ARHGEF10: variants seen among roughly 807,000 people sequenced by gnomAD.
The protein encoded by ARHGEF10 is Rho guanine nucleotide exchange factor 10.
Under a neutral mutation model 147.4 loss-of-function variants are expected in ARHGEF10, and 140 were observed. The observed-to-expected ratio is 0.95, with a 90% CI of 0.83 to 1.09. The LOEUF is 1.09. Ranked by LOEUF, ARHGEF10 falls within the 50% of genes least tolerant of loss-of-function variation. ARHGEF10 has a pLI of 0.00. For synonymous variants in ARHGEF10, 902 were observed against 695.8 expected (o/e 1.30, Z -4.67); for missense variants, 2,222 against 1,752.7 (o/e 1.27, Z -4.78).
intron 7 of ARHGEF10, among the ~76,000 whole-genome samples, chr8:1,872,635 A>T (rs1233563596): frequency 6.6e-6 from 1 of 152,242 alleles, no homozygotes; most frequent in African/African-American, 2.4e-5. Context: ...TTATCTCAGC[A>T]TGTGTTTAAA....
At position 1,948,438 on chromosome 8, in the gene ARHGEF10, T is replaced by C. The variant is rs1019724708; in HGVS notation, c.3397+2783T>C. The stretch of plus-strand genomic sequence containing the variant: ...GTACTAAGTTGGAAATAGCTCCAGC[T>C]TCACTGATTTCTGGGGTACACTGAC... On this transcript the variant is annotated intron_variant, in intron 27 of 28. Transcript: ENST00000349830. This position sits in a 1 kb window ranked among gnomAD's most constrained non-coding sequence, Gnocchi z 4.9. 1.3e-5 allele frequency among the ~76,000 whole-genome samples: 2 copies of C among 152,218 alleles called. No individual in the cohort carries two copies. Among genetic ancestry groups the C allele is most frequent in the Non-Finnish European group, 1.5e-5 (1 of 68,036 alleles).
At chr8:1,875,340 C>G (rs1807602566) in intron 7 of ARHGEF10, among the ~76,000 whole-genome samples, 2 of 152,072 alleles carry the variant, frequency 1.3e-5, no homozygotes, top group South Asian at 2.1e-4. Flanking sequence ...TCTGAGTCCC[C>G]TAGTACATGG....
rs182319735 is a variant in ARHGEF10, at chr8:1,949,249, C to T, written c.3398-3456C>T. On this transcript the variant is annotated intron_variant, in intron 27 of 28. Transcript: ENST00000349830. ...TCAGCACGCTGGCCCCTGGGGAATC[C>T]GTGAATCTGTAGCTAAGGCCCTGGC... Among the ~76,000 whole-genome samples the T allele has an allele frequency of 2.4e-3, 366 of 152,278 alleles. 2 individuals carry two copies. Among genetic ancestry groups the T allele is most frequent in the Admixed American group, 0.019 (298 of 15,294 alleles).
chr8:1,901,334 C>T (rs938719937), intron 15 of ARHGEF10, among the ~76,000 whole-genome samples: 2 of 152,142 alleles, frequency 1.3e-5, no homozygotes, highest in Non-Finnish European at 2.9e-5. Context: ...CTCTGCTCTC[C>T]GGTCTTGCCT....
At chr8:1,949,287 A>G (rs73671064) in intron 27 of ARHGEF10, among the ~76,000 whole-genome samples, 6,879 of 152,156 alleles carry the variant, frequency 0.045, 502 homozygotes, top group African/African-American at 0.16. Flanking sequence ...TTCTCCTTCT[A>G]TTTGGAATTC....
intron 18 of ARHGEF10, among the ~76,000 whole-genome samples, chr8:1,920,051 C>CATGGGTGATGGAGCTGTTCT (rs1563286433): frequency 3.7e-4 from 41 of 109,980 alleles, no homozygotes; most frequent in African/African-American, 7.8e-4. Context: ...GGAGCTGTTC[C>CATGGGTGATGGAGCTGTTCT]GTGGGTGATG....
intron 27 of ARHGEF10, among the ~76,000 whole-genome samples, chr8:1,946,236 G>A (rs914977345): frequency 8.5e-5 from 13 of 152,214 alleles, no homozygotes; most frequent in Admixed American, 6.5e-5. Context: ...GCCGGAGGCC[G>A]CTGTGGGGTC....
At chr8:1,901,085 G>C (rs1318510079) in intron 15 of ARHGEF10, among the ~76,000 whole-genome samples, 1 of 152,160 alleles carries the variant, frequency 6.6e-6, no homozygotes, top group Non-Finnish European at 1.5e-5. Context: ...TGGAAACAAG[G>C]TGGTGTCTGT....
intron 27 of ARHGEF10, among the ~76,000 whole-genome samples, chr8:1,951,804 G>C (rs1034289525): frequency 3.3e-5 from 5 of 152,152 alleles, no homozygotes; most frequent in African/African-American, 1.2e-4. Flanking sequence ...TCAGAGTTGT[G>C]GTGGAATGAT....
Position 1,860,037 on chromosome 8 carries a change from G to A in ARHGEF10, c.334G>A (p.Ala112Thr), listed in dbSNP as rs751134443. Residue 112 changes from alanine (A) to threonine (T), a missense_variant, in exon 4 of 29, where the codon GCT (alanine) becomes ACT (threonine). Ala to Thr is a moderately conservative substitution (Grantham distance 58). Coordinates refer to ENST00000349830, the MANE Select transcript of ARHGEF10 (RefSeq NM_014629.4). ...EDQPPTPVPS[A>T]EEENVGLHVP... ...CCAGCCGCCCACCCCCGTGCCCAGC[G>A]CTGAGGAGGAGAATGTGGGTCTCCA... 25 of 1,613,918 alleles carry A rather than the reference G, an allele frequency of 1.5e-5. No homozygotes were observed. Among genetic ancestry groups the A allele is most frequent in the African/African-American group, 8.0e-5 (6 of 74,886 alleles).
At chr8:1,860,522 C>CTCCTCCT (rs1806040431) in intron 4 of ARHGEF10, among the ~76,000 whole-genome samples, 1 of 152,076 alleles carries the variant, frequency 6.6e-6, no homozygotes. Context: ...CTGACCTTCC[C>CTCCTCCT]CCTGCCCCCA....
rs767115557 is a variant in ARHGEF10, at chr8:1,948,412, G to A, written c.3397+2757G>A. On this transcript the variant is annotated intron_variant, in intron 27 of 28. Coordinates refer to ENST00000349830, the MANE Select transcript of ARHGEF10 (RefSeq NM_014629.4). The surrounding 1 kb of genome is among the most constrained non-coding windows in gnomAD (Gnocchi z 4.9). ...CGTTGGCAGGTTTCTCCGGCATTTC[G>A]GTACTAAGTTGGAAATAGCTCCAGC... 2.5e-4 allele frequency among the ~76,000 whole-genome samples: 38 copies of A among 152,300 alleles called. No homozygotes were observed. The highest frequency in any genetic ancestry group is 4.4e-4 in the Non-Finnish European group (30 of 68,028).
intron 26 of ARHGEF10, among the ~76,000 whole-genome samples, chr8:1,935,567 G>T (rs1369879743): frequency 7.2e-5 from 11 of 152,194 alleles, no homozygotes; most frequent in Admixed American, 7.2e-4. Context: ...AGGGCTCTCA[G>T]GACCGCGGGG....
chr8:1,866,353 G>T lies in ARHGEF10; in HGVS notation c.546-173G>T, dbSNP rs184904020. ...GAGTTATGAGTGAAAGCTTGAACTT[G>T]GGATGTCCTATAATAATAGCTGGGA... On this transcript the variant is annotated intron_variant, in intron 5 of 28. Coordinates refer to ENST00000349830, the MANE Select transcript of ARHGEF10 (RefSeq NM_014629.4). Among the ~76,000 whole-genome samples, 122 of 152,204 alleles carry T rather than the reference G, an allele frequency of 8.0e-4. 1 individual carries two copies. Among genetic ancestry groups the T allele is most frequent in the African/African-American group, 2.8e-3 (118 of 41,500 alleles).
At chr8:1,823,680 C>T (rs1464812930), upstream of ARHGEF10, among the ~76,000 whole-genome samples, 1 of 151,768 alleles carries the variant, frequency 6.6e-6, no homozygotes, top group African/African-American at 2.4e-5. Flanking sequence ...GGCCCGGGGT[C>T]CGCGGGGCAG....
At chr8:1,898,361 AG>A (rs1810180850) in intron 14 of ARHGEF10, 71 bp from the exon 15 acceptor site, 2 of 1,325,918 alleles carry the variant, frequency 1.5e-6, no homozygotes, top group Admixed American at 3.4e-5. Context: ...TGTGGTGGGG[AG>A]GAGGCGGCCC....
Position 1,937,650 on chromosome 8 carries a change from G to C in ARHGEF10, c.3222+3708G>C, listed in dbSNP as rs1478443119. ...ATCCTGTCGTTCCCGTTGTGCAGGG[G>C]AACTGTGGCCAGGGGCTGGGGCAGC... is the stretch of plus-strand genomic sequence containing the variant. On this transcript the variant is annotated intron_variant, in intron 26 of 28. Coordinates refer to ENST00000349830, the MANE Select transcript of ARHGEF10 (RefSeq NM_014629.4). The surrounding 1 kb of genome is among the most constrained non-coding windows in gnomAD (Gnocchi z 4.9). Among the ~76,000 whole-genome samples the C allele has an allele frequency of 1.3e-5, 2 of 152,230 alleles. No individual in the cohort carries two copies. Among genetic ancestry groups the C allele is most frequent in the Non-Finnish European group, 2.9e-5 (2 of 68,030 alleles).
rs140159745 is a variant in ARHGEF10 at position 1,950,123 on chromosome 8, C to A, written c.3398-2582C>A. On this transcript the variant is annotated intron_variant, in intron 27 of 28. Transcript: ENST00000349830. ...TTCACACGTGTAACCCATTTACCAA[C>A]CTCACTGTGCAGCTGCATCACCGTT... Among the ~76,000 whole-genome samples the A allele has an allele frequency of 1.7e-4, 26 of 152,314 alleles. 1 individual carries two copies. The East Asian group carries it at 5.0e-3, about 29-fold the overall frequency.
rs200372897 is a variant in ARHGEF10, at chr8:1,857,891, T to G, written c.38-69T>G. 3,151 of 1,060,430 alleles carry G rather than the reference T, an allele frequency of 3.0e-3. 53 individuals are homozygous for G. The Admixed American group carries it at 0.042, about 14-fold the overall frequency. 65.7% of individuals were successfully genotyped at this position (1,060,430 alleles called of 1,614,324 possible). The stretch of plus-strand genomic sequence containing the variant: ...ACATAGATCGATCGATCTATCTATC[T>G]ATCTATCTATCTATCTATCTATCTA... On this transcript the variant is annotated intron_variant, in intron 2 of 28. Transcript: ENST00000349830.
Sources: allele counts gnomAD v4.1 joint callset (sites outside exome capture counted in the v4.1 genomes callset), GRCh38; gene constraint gnomAD v4.1.1; non-coding constraint Gnocchi (gnomAD v3.1); transcripts MANE v1.5; gene names NCBI Gene and HGNC (gene_info 2026-07-23, HGNC 2026-07-21).